The following GPC6 variants were observed in gnomAD, a reference collection of about 807,000 sequenced individuals.
The protein encoded by GPC6 is glypican-6.
A neutral mutation model predicts 55.2 loss-of-function variants in GPC6; 14 were observed. The observed-to-expected ratio is 0.25, with a 90% CI of 0.17 to 0.40. The LOEUF (loss-of-function observed/expected upper bound fraction) is 0.40. Ranked by LOEUF, GPC6 falls within the 10% of genes least tolerant of loss-of-function variation. The pLI, the probability that GPC6 is intolerant of heterozygous loss-of-function variation, is 1.00. For synonymous variants in GPC6, 278 were observed against 259.6 expected, an observed-to-expected ratio of 1.07 and a Z score of -0.68; for missense variants, 641 against 708.5, an observed-to-expected ratio of 0.90 and a Z score of 1.08.
intron 4 of GPC6, among the ~76,000 whole-genome samples, chr13:94,234,815 A>G (rs1320725307): frequency 6.6e-6 from 1 of 152,180 alleles, no homozygotes; most frequent in Non-Finnish European, 1.5e-5. Context: ...ATACCACAAC[A>G]TAGATAAATC....
At chr13:93,232,237 G>T (rs1876086657) in intron 1 of GPC6, among the ~76,000 whole-genome samples, 1 of 151,860 alleles carries the variant, frequency 6.6e-6, no homozygotes, top group South Asian at 2.1e-4. Context: ...TTATCTGCCT[G>T]GTTCAAAGAT....
intron 1 of GPC6, among the ~76,000 whole-genome samples, chr13:93,417,171 T>C (rs1433957925): frequency 6.6e-6 from 1 of 152,178 alleles, no homozygotes; most frequent in African/African-American, 2.4e-5. Context: ...TGAGAAAATG[T>C]ATATTTCACT....
At chr13:93,752,787 A>T (rs1884642265) in intron 2 of GPC6, among the ~76,000 whole-genome samples, 1 of 152,132 alleles carries the variant, frequency 6.6e-6, no homozygotes, top group African/African-American at 2.4e-5. Flanking sequence ...CATGTCTTTT[A>T]TTGGGAGACA....
chr13:94,273,352 A>C (rs565933045), intron 4 of GPC6, among the ~76,000 whole-genome samples: 1 of 152,180 alleles, frequency 6.6e-6, no homozygotes, highest in Non-Finnish European at 1.5e-5. Flanking sequence ...TGAAATGTGC[A>C]AGTTAATAAA....
chr13:94,170,710 T>C (rs991199227), intron 4 of GPC6, among the ~76,000 whole-genome samples: 7 of 152,204 alleles, frequency 4.6e-5, no homozygotes, highest in African/African-American at 1.4e-4. Context: ...ATCAAAGTGT[T>C]TGCAAATGCT....
intron 1 of GPC6, among the ~76,000 whole-genome samples, chr13:93,249,261 T>C (rs1876705950): frequency 6.6e-6 from 1 of 152,312 alleles, no homozygotes; most frequent in Non-Finnish European, 1.5e-5. Flanking sequence ...GGAAAATAAT[T>C]AATGGAACCC....
chr13:93,459,180 T>G (rs2139312395), intron 1 of GPC6, among the ~76,000 whole-genome samples: 1 of 152,320 alleles, frequency 6.6e-6, no homozygotes, highest in Admixed American at 6.5e-5. Context: ...CGCTTCTACC[T>G]TCTCAGTAGC....
chr13:94,353,175 A>G (rs1270815682), intron 6 of GPC6, among the ~76,000 whole-genome samples: 1 of 152,156 alleles, frequency 6.6e-6, no homozygotes, highest in Non-Finnish European at 1.5e-5. Flanking sequence ...GTCACCTTCC[A>G]TCACAGAGCG....
At chr13:93,234,131 C>T (rs1309886014) in intron 1 of GPC6, among the ~76,000 whole-genome samples, 1 of 152,182 alleles carries the variant, frequency 6.6e-6, no homozygotes, top group African/African-American at 2.4e-5. Context: ...TAGCAGCTCT[C>T]TGGCCCTGAG....
At chr13:93,532,881 G>T (rs1881923106) in intron 1 of GPC6, among the ~76,000 whole-genome samples, 1 of 152,112 alleles carries the variant, frequency 6.6e-6, no homozygotes, top group East Asian at 1.9e-4. Context: ...ATTTTTTGCA[G>T]AGTGAAAATT....
chr13:94,103,071 G>T (rs1375409949), intron 4 of GPC6, among the ~76,000 whole-genome samples: 1 of 152,086 alleles, frequency 6.6e-6, no homozygotes, highest in South Asian at 2.1e-4. Context: ...GGTGTGTGAT[G>T]TTCCCCTCCC....
chr13:93,359,553 G>A (rs980475310), intron 1 of GPC6, among the ~76,000 whole-genome samples: 2 of 152,190 alleles, frequency 1.3e-5, no homozygotes, highest in Non-Finnish European at 2.9e-5. Context: ...ATAGTTGAAT[G>A]TGCAAACTGC....
At chr13:93,352,522 G>A (rs1880667120) in intron 1 of GPC6, among the ~76,000 whole-genome samples, 1 of 152,112 alleles carries the variant, frequency 6.6e-6, no homozygotes, top group Non-Finnish European at 1.5e-5. Flanking sequence ...TGCTGAATTT[G>A]AAGTGCTTGA....
intron 3 of GPC6, among the ~76,000 whole-genome samples, chr13:94,008,626 T>G (rs943343525): frequency 1.2e-4 from 19 of 152,168 alleles, no homozygotes; most frequent in African/African-American, 4.1e-4. Context: ...TACTCCAGCC[T>G]GGGTGACAGA....
intron 3 of GPC6, among the ~76,000 whole-genome samples, chr13:94,005,244 C>T (rs1451469535): frequency 1.3e-5 from 2 of 152,148 alleles, no homozygotes. Context: ...TATTCTTCCC[C>T]TCAGTTTTAG....
chr13:93,688,875 C>T (rs1440196892), intron 2 of GPC6, among the ~76,000 whole-genome samples: 5 of 151,978 alleles, frequency 3.3e-5, no homozygotes, highest in Non-Finnish European at 7.4e-5. Context: ...GTGAATATGT[C>T]TAATGCCATT....
intron 6 of GPC6, among the ~76,000 whole-genome samples, chr13:94,362,485 G>T (rs930200747): frequency 6.6e-6 from 1 of 152,120 alleles, no homozygotes; most frequent in Non-Finnish European, 1.5e-5. Flanking sequence ...TAACAGGGTT[G>T]TCAGTTTTAT....
intron 1 of GPC6, among the ~76,000 whole-genome samples, chr13:93,391,756 C>T (rs1272485683): frequency 6.6e-6 from 1 of 152,050 alleles, no homozygotes; most frequent in Non-Finnish European, 1.5e-5. Context: ...GTGGCCTATA[C>T]TAAGGGGCAC....
intron 1 of GPC6, among the ~76,000 whole-genome samples, chr13:93,503,960 CT>C (rs1404189775): frequency 6.6e-6 from 1 of 152,004 alleles, no homozygotes; most frequent in Admixed American, 6.5e-5. Context: ...TAGCACCTTC[CT>C]TTCTAATACA....
Sources: gnomAD v4.1 joint callset for allele counts (sites outside exome capture counted in the v4.1 genomes callset) on GRCh38, gnomAD v4.1.1 for gene constraint, MANE v1.5 for transcripts, NCBI Gene and HGNC (gene_info 2026-07-23, HGNC 2026-07-21) for gene names.